COG6: variants seen among roughly 807,000 people sequenced by gnomAD.
COG6 encodes the protein component of oligomeric golgi complex 6.
Under a neutral mutation model 88.8 loss-of-function variants are expected in COG6, and 74 were observed. The ratio of observed to expected loss-of-function variants is 0.83; its 90% CI spans 0.69 to 1.01. The LOEUF (loss-of-function observed/expected upper bound fraction) is 1.01, where lower values mean the gene tolerates loss of function less well. Among genes scored for constraint, COG6 ranks in the 50% least tolerant of loss-of-function variants. The pLI, the probability that COG6 is intolerant of heterozygous loss-of-function variation, is 0.00. For missense variants in COG6, 800 were observed against 797.9 expected, an observed-to-expected ratio of 1.00 and a Z score of -0.03; for synonymous variants, 286 against 278.7, an observed-to-expected ratio of 1.03 and a Z score of -0.26.
chr13:39,720,921 C>G (rs942838770), intron 15 of COG6, among the ~76,000 whole-genome samples: 1 of 151,950 alleles, frequency 6.6e-6, no homozygotes, highest in African/African-American at 2.4e-5. Context: ...GTTTTCCCAT[C>G]CTCCCAATGT....
intron 6 of COG6, 176 bp from the exon 7 acceptor site, chr13:39,679,799 A>G: frequency 4.4e-6 from 3 of 683,124 alleles, no homozygotes; most frequent in Non-Finnish European, 5.3e-6. Flanking sequence ...GCAGTTGATA[A>G]ATAAGTGATG....
At position 39,657,929 on chromosome 13, in the gene COG6, T is replaced by G. The variant is rs1199927639; in HGVS notation, c.154-1435T>G. 3.3e-5 allele frequency among the ~76,000 whole-genome samples: 5 copies of G among 152,284 alleles called. 1 individual carries two copies. In the East Asian group the frequency reaches 7.7e-4, roughly 24 times the overall value. ...TGTCTATACTATACCTCCAATTGGATACTGATTGACGTCATAGAACTTAAC... is the reference window on the plus strand; with the variant it reads ...TGTCTATACTATACCTCCAATTGGAGACTGATTGACGTCATAGAACTTAAC... On this transcript the variant is annotated intron_variant, in intron 1 of 18. Transcript: ENST00000455146.
intron 15 of COG6, among the ~76,000 whole-genome samples, chr13:39,722,025 T>C (rs1176964590): frequency 6.6e-6 from 1 of 152,110 alleles, no homozygotes; most frequent in African/African-American, 2.4e-5. Context: ...AATCATCACT[T>C]TTCTATGTGT....
intron 18 of COG6, among the ~76,000 whole-genome samples, chr13:39,737,351 G>T (rs1879817811): frequency 6.6e-6 from 1 of 152,014 alleles, no homozygotes; most frequent in African/African-American, 2.4e-5. Flanking sequence ...AGGTCCAAGG[G>T]CTCTGCAGTC....
chr13:39,672,718 A>G (rs1241992232), intron 4 of COG6, among the ~76,000 whole-genome samples: 8 of 151,968 alleles, frequency 5.3e-5, no homozygotes, highest in African/African-American at 1.4e-4. Context: ...TTTGTTTACA[A>G]GTTTTTGTGT....
At chr13:39,732,836 AT>A (rs1188233097) in intron 18 of COG6, among the ~76,000 whole-genome samples, 1 of 152,186 alleles carries the variant, frequency 6.6e-6, no homozygotes, top group African/African-American at 2.4e-5. Context: ...TAAAAGGGGA[AT>A]TTTTTCTAAA....
In COG6 at chr13:39,737,297, A is replaced by G. The variant is rs796567536; in HGVS notation, c.1826+9749A>G. 9.9e-5 allele frequency among the ~76,000 whole-genome samples: 15 copies of G among 152,196 alleles called. 1 individual carries two copies. The highest frequency in any genetic ancestry group is 3.6e-4 in the African/African-American group (15 of 41,532). On this transcript the variant is annotated intron_variant, in intron 18 of 18. Transcript: ENST00000455146. ...CAAGCATAGCATTGGGTCTTGCCCAAGGCCCACAGGGATCACTGCATGACT... is the reference window on the plus strand; with the variant it reads ...CAAGCATAGCATTGGGTCTTGCCCAGGGCCCACAGGGATCACTGCATGACT...
rs150571320 is a variant in COG6, at chr13:39,666,343, G to A, written c.428+1189G>A. Among the ~76,000 whole-genome samples, 210 of 152,328 alleles carry A rather than the reference G, an allele frequency of 1.4e-3. 2 individuals are homozygous for A. The highest frequency in any genetic ancestry group is 4.8e-3 in the African/African-American group (201 of 41,578). On this transcript the variant is annotated intron_variant, in intron 4 of 18. Coordinates refer to ENST00000455146, the MANE Select transcript of COG6 (RefSeq NM_020751.3). ...TTGAGCCCAGGAGTTCAAGGTTGCA[G>A]TGGGCTATGATAGTGCCACTGCACT...
chr13:39,739,042 A>G (rs916366677), intron 18 of COG6, among the ~76,000 whole-genome samples: 1 of 152,152 alleles, frequency 6.6e-6, no homozygotes, highest in Non-Finnish European at 1.5e-5. Flanking sequence ...AGAAATATTT[A>G]AAATACTACA....
At chr13:39,705,645 T>C (rs1291748907) in intron 13 of COG6, among the ~76,000 whole-genome samples, 5 of 152,022 alleles carry the variant, frequency 3.3e-5, no homozygotes, top group Non-Finnish European at 7.4e-5. Context: ...TGCCCAGTCC[T>C]CTGGAGAAAA....
At chr13:39,656,330 A>G (rs765723093) in intron 1 of COG6, 17 of 366,572 alleles carry the variant, frequency 4.6e-5, no homozygotes, top group Non-Finnish European at 7.5e-5. Context: ...ATAAGGGTGC[A>G]TTTCCACGGA....
At chr13:39,680,300 A>G (rs1876234276) in intron 7 of COG6, among the ~76,000 whole-genome samples, 1 of 152,260 alleles carries the variant, frequency 6.6e-6, no homozygotes, top group Admixed American at 6.5e-5. Flanking sequence ...TATCATGAGC[A>G]CCAGCTATCA....
At chr13:39,740,449 G>A (rs1490546984) in intron 18 of COG6, among the ~76,000 whole-genome samples, 1 of 152,134 alleles carries the variant, frequency 6.6e-6, no homozygotes, top group East Asian at 1.9e-4. Flanking sequence ...GAATTTAAAA[G>A]AGGATATTGT....
chr13:39,686,803 A>T (rs1257111286), intron 8 of COG6, among the ~76,000 whole-genome samples: 3 of 152,058 alleles, frequency 2.0e-5, no homozygotes, highest in African/African-American at 7.2e-5. Context: ...AGTCACTGCT[A>T]ACTGCAGCCT....
At position 39,719,187 on chromosome 13, in the gene COG6, A is replaced by C. The variant is rs951928018; in HGVS notation, c.1285-49A>C. ...CTATGAACTTACATTTATACATTAA[A>C]ATTTAGTGGAAAAAATATAAGGAGT... On this transcript the variant is annotated intron_variant, in intron 13 of 18. Transcript: ENST00000455146. 3 of 1,591,852 alleles carry C rather than the reference A, an allele frequency of 1.9e-6. No homozygotes were observed. In the East Asian group the frequency reaches 6.7e-5, roughly 36 times the overall value.
intron 17 of COG6, among the ~76,000 whole-genome samples, chr13:39,725,621 A>G (rs1270596847): frequency 6.6e-6 from 1 of 151,904 alleles, no homozygotes; most frequent in Non-Finnish European, 1.5e-5. Context: ...AAAAGACTAA[A>G]TGAGACAAAT....
intron 17 of COG6, among the ~76,000 whole-genome samples, chr13:39,725,338 A>G (rs1879076367): frequency 6.6e-6 from 1 of 151,920 alleles, no homozygotes; most frequent in Admixed American, 6.6e-5. Context: ...GTTGGCCTAC[A>G]GAGCTTGTGG....
intron 18 of COG6, among the ~76,000 whole-genome samples, chr13:39,736,539 A>G (rs1408159839): frequency 5.3e-5 from 8 of 152,094 alleles, no homozygotes; most frequent in Admixed American, 5.2e-4. Context: ...TAAAAATACA[A>G]AATTAGCCAG....
intron 18 of COG6, among the ~76,000 whole-genome samples, chr13:39,739,324 TCAAA>T (rs1402622752): frequency 6.6e-6 from 1 of 150,884 alleles, no homozygotes; most frequent in Non-Finnish European, 1.5e-5. Context: ...AGTTTAGATT[TCAAA>T]AAAAAGCAAA....
Sources: allele counts gnomAD v4.1 joint callset (sites outside exome capture counted in the v4.1 genomes callset), GRCh38; gene constraint gnomAD v4.1.1; transcripts MANE v1.5; gene names NCBI Gene and HGNC (gene_info 2026-07-23, HGNC 2026-07-21).